NPLOC4: variants seen among roughly 807,000 people sequenced by gnomAD.
NPLOC4 encodes nuclear protein localization protein 4 homolog.
In NPLOC4, 18 loss-of-function variants were observed where a neutral mutation model predicts 80.6. That is an observed-to-expected ratio of 0.22 (90% CI 0.15 to 0.33). The LOEUF (loss-of-function observed/expected upper bound fraction) is 0.33, where lower values mean the gene tolerates loss of function less well. Ranked by LOEUF, NPLOC4 falls within the 10% of genes least tolerant of loss-of-function variation. NPLOC4 has a pLI of 1.00. For synonymous variants in NPLOC4, 313 were observed against 301.5 expected, an observed-to-expected ratio of 1.04 and a Z score of -0.39; for missense variants, 540 against 786.1, an observed-to-expected ratio of 0.69 and a Z score of 3.74.
rs866957299 is a variant in NPLOC4 at position 81,613,863 on chromosome 17, T to A, written c.210-369A>T. Among the ~76,000 whole-genome samples the A allele has an allele frequency of 2.0e-5, 3 of 152,090 alleles. No homozygotes were observed. In the South Asian group the frequency reaches 6.3e-4, roughly 32 times the overall value. ...ACCTCCCTCAGCCATTCCTCTGGCC[T>A]CTGGGAGGCTCTCTCCTCCCCCAAC... On this transcript the variant is annotated intron_variant, in intron 3 of 16. Coordinates refer to ENST00000331134, the MANE Select transcript of NPLOC4 (RefSeq NM_017921.4).
intron 9 of NPLOC4, among the ~76,000 whole-genome samples, chr17:81,599,226 T>C (rs1240037702): frequency 6.6e-6 from 1 of 150,874 alleles, no homozygotes; most frequent in African/African-American, 2.4e-5. Context: ...GAGGCAGAGG[T>C]TGCAGTGAGC....
chr17:81,582,118 C>T (rs976431251), intron 12 of NPLOC4, among the ~76,000 whole-genome samples: 8 of 152,194 alleles, frequency 5.3e-5, no homozygotes, highest in African/African-American at 1.9e-4. Context: ...CAGAGCCAGT[C>T]GGAAGACTTA....
rs1325142783 is a variant in NPLOC4 at position 81,558,917 on chromosome 17, G to A, written c.*342C>T. The A allele has an allele frequency of 4.8e-5, 10 of 208,158 alleles. No homozygotes were observed. The highest frequency in any genetic ancestry group is 9.5e-6 in the Non-Finnish European group (1 of 105,052). The allele number at this position is 208,158 out of a possible 1,614,324, so 12.9% of individuals were successfully genotyped here. On this transcript the variant is annotated 3_prime_UTR_variant, in exon 17 of 17. Transcript: ENST00000331134. Reference sequence around the variant, plus strand: ...ATAAAGAGAAGGCTGGGTGGTGGCAGCATCGGCCCCTCCCTGTGCGCCCCA... The same window carrying A: ...ATAAAGAGAAGGCTGGGTGGTGGCAACATCGGCCCCTCCCTGTGCGCCCCA...
At chr17:81,569,301 C>T (rs1458068071) in intron 13 of NPLOC4, among the ~76,000 whole-genome samples, 190 bp from the exon 14 acceptor site, 1 of 152,218 alleles carries the variant, frequency 6.6e-6, no homozygotes, top group Admixed American at 6.5e-5. Flanking sequence ...TTGGAAACTC[C>T]GCCATCCTGG....
chr17:81,599,743 T>C (rs2035015338), intron 9 of NPLOC4, among the ~76,000 whole-genome samples: 1 of 152,204 alleles, frequency 6.6e-6, no homozygotes. Flanking sequence ...CAATGTCAGA[T>C]AAACCAGATC....
chr17:81,629,641 AC>A (rs2144330850), intron 2 of NPLOC4, 83 bp downstream of exon 2: 2 of 1,064,744 alleles, frequency 1.9e-6, no homozygotes, highest in East Asian at 4.8e-5. Context: ...AAATAAGAAA[AC>A]GAGGAAAAGA....
chr17:81,600,055 T>C (rs1302379558), intron 9 of NPLOC4, among the ~76,000 whole-genome samples: 1 of 151,052 alleles, frequency 6.6e-6, no homozygotes. Flanking sequence ...CCTCATGAAG[T>C]GTGGCTGGAA....
intron 7 of NPLOC4, among the ~76,000 whole-genome samples, chr17:81,605,029 G>A (rs1011172918): frequency 6.6e-6 from 1 of 152,076 alleles, no homozygotes; most frequent in South Asian, 2.1e-4. Flanking sequence ...GGGAGGCCAA[G>A]GCGGGCGGAT....
intron 8 of NPLOC4, among the ~76,000 whole-genome samples, chr17:81,601,153 G>A (rs977586928): frequency 6.6e-6 from 1 of 152,176 alleles, no homozygotes; most frequent in African/African-American, 2.4e-5. Context: ...GTAGCTTGCG[G>A]GTCATTCAAA....
At chr17:81,617,704 G>A (rs940996554) in intron 3 of NPLOC4, among the ~76,000 whole-genome samples, 8 of 130,394 alleles carry the variant, frequency 6.1e-5, no homozygotes, top group African/African-American at 2.1e-4. Context: ...TCCCTCTCAT[G>A]CCGAGCCGAA....
intron 9 of NPLOC4, among the ~76,000 whole-genome samples, chr17:81,599,314 G>A (rs1008952364): frequency 3.1e-4 from 47 of 151,994 alleles, no homozygotes; most frequent in Non-Finnish European, 2.4e-4. Context: ...AAAATAAAAA[G>A]AGAAACTTGT....
At chr17:81,589,315 G>C (rs1361269062) in intron 11 of NPLOC4, among the ~76,000 whole-genome samples, 8 of 152,094 alleles carry the variant, frequency 5.3e-5, no homozygotes, top group Non-Finnish European at 1.2e-4. Flanking sequence ...CGGATCACGA[G>C]GTCAGGAGAT....
chr17:81,558,968 AGGTCTTTC>A lies in NPLOC4; in HGVS notation c.*283_*290del. ...ATTCCAGGTGCCACGTAGAGGCGAGAGGTCTTTCCAACACGGCGGGGGACTTGTCAACA... is the reference window on the plus strand; with the variant it reads ...ATTCCAGGTGCCACGTAGAGGCGAGACAACACGGCGGGGGACTTGTCAACA... On this transcript the variant is annotated 3_prime_UTR_variant, in exon 17 of 17. Coordinates refer to ENST00000331134, the MANE Select transcript of NPLOC4 (RefSeq NM_017921.4). 2 of 324,352 alleles carry A rather than the reference AGGTCTTTC, an allele frequency of 6.2e-6. No homozygotes were observed. Among genetic ancestry groups the A allele is most frequent in the Non-Finnish European group, 1.1e-5 (2 of 176,898 alleles). The allele number at this position is 324,352 out of a possible 1,614,324, so 20.1% of individuals were successfully genotyped here.
chr17:81,613,400 C>G lies in NPLOC4; in HGVS notation c.304G>C (p.Ala102Pro). Residue 102 changes from alanine (A) to proline (P), a missense_variant, in exon 4 of 17, where the codon GCT becomes CCT. Ala to Pro is a conservative substitution (Grantham distance 27). Coordinates refer to ENST00000331134, the MANE Select transcript of NPLOC4 (RefSeq NM_017921.4). ...SVPPGFKVFG[A>P]PNVVEDEIDQ... ...ATCTCATCCTCCACCACGTTGGGAG[C>G]GCCAAAGACTTTGAAGCCCGGTGGA... The G allele has an allele frequency of 1.2e-6, 2 of 1,613,966 alleles. No homozygotes were observed. Among genetic ancestry groups the G allele is most frequent in the Non-Finnish European group, 1.7e-6 (2 of 1,179,902 alleles).
At chr17:81,563,979 G>T (rs1484341486) in intron 16 of NPLOC4, 1 of 451,834 alleles carries the variant, frequency 2.2e-6, no homozygotes, top group African/African-American at 2.0e-5. Context: ...TACTCGGGAG[G>T]CTGAGGGAGG....
chr17:81,570,786 T>C (rs1230785480), intron 13 of NPLOC4, among the ~76,000 whole-genome samples: 3 of 152,196 alleles, frequency 2.0e-5, no homozygotes, highest in Admixed American at 1.3e-4. Flanking sequence ...GGCATGGAGC[T>C]TGACACACCT....
Position 81,572,016 on chromosome 17 carries a change from C to A in NPLOC4, c.1353+1G>T. 1 of 1,599,356 alleles carries A rather than the reference C, an allele frequency of 6.3e-7. No homozygotes were observed. Among genetic ancestry groups the A allele is most frequent in the Non-Finnish European group, 8.5e-7 (1 of 1,171,348 alleles). On this transcript the variant is annotated splice_donor_variant, in intron 13 of 16. Coordinates refer to ENST00000331134, the MANE Select transcript of NPLOC4 (RefSeq NM_017921.4). LOFTEE classifies it high-confidence loss of function. This position sits in a 1 kb window ranked among gnomAD's most constrained non-coding sequence, Gnocchi z 4.5. ...CCAAGCTGTGCATGGGGGGCACTTA[C>A]GTCTATGATGAGATACTCCACAGGC...
Position 81,577,991 on chromosome 17 carries a change from C to T in NPLOC4, c.1282-5903G>A, listed in dbSNP as rs535771342. 3.9e-5 allele frequency among the ~76,000 whole-genome samples: 6 copies of T among 152,308 alleles called. No homozygotes were observed. Among genetic ancestry groups the T allele is most frequent in the South Asian group, 4.1e-4 (2 of 4,820 alleles). ...GGGGACCTCCCCTGCCCACCCCATCCGGCTGTCAGCACCTGTCCACTGCCT... is the reference window on the plus strand; with the variant it reads ...GGGGACCTCCCCTGCCCACCCCATCTGGCTGTCAGCACCTGTCCACTGCCT... On this transcript the variant is annotated intron_variant, in intron 12 of 16. Coordinates refer to ENST00000331134, the MANE Select transcript of NPLOC4 (RefSeq NM_017921.4). This position sits in a 1 kb window ranked among gnomAD's most constrained non-coding sequence, Gnocchi z 4.3.
At chr17:81,573,153 T>C (rs573862122) in intron 12 of NPLOC4, among the ~76,000 whole-genome samples, 68 of 152,358 alleles carry the variant, frequency 4.5e-4, no homozygotes, top group African/African-American at 1.6e-3. Context: ...ACATTTTCTA[T>C]CTAAATCATC....
Sources: allele counts gnomAD v4.1 joint callset (sites outside exome capture counted in the v4.1 genomes callset), GRCh38; gene constraint gnomAD v4.1.1; non-coding constraint Gnocchi (gnomAD v3.1); transcripts MANE v1.5; gene names NCBI Gene and HGNC (gene_info 2026-07-23, HGNC 2026-07-21).